Variants in PCDHGB1 observed in about 807,000 individuals in gnomAD.
PCDHGB1 encodes protocadherin gamma-B1.
In PCDHGB1, 34 loss-of-function variants were observed where a neutral mutation model predicts 56.6. The ratio of observed to expected loss-of-function variants is 0.60; its 90% CI spans 0.46 to 0.80. PCDHGB1 has a LOEUF of 0.80. Ranked by LOEUF, PCDHGB1 falls within the 30% of genes least tolerant of loss-of-function variation. The pLI is 0.00. For synonymous variants in PCDHGB1, 561 were observed against 505.9 expected (o/e 1.11, Z -1.46); for missense variants, 1,278 against 1,204.6 (o/e 1.06, Z -0.90).
chr5:141,399,356 A>G, intron 1 of PCDHGB1: 1 of 1,614,010 alleles, frequency 6.2e-7, no homozygotes, highest in Non-Finnish European at 8.5e-7. Flanking sequence ...GACCGAGAGC[A>G]AACCCCGGAG....
intron 1 of PCDHGB1, chr5:141,408,253 A>G (rs749487100): frequency 3.4e-4 from 550 of 1,599,220 alleles, no homozygotes; most frequent in Non-Finnish European, 4.4e-4. Flanking sequence ...GGCAGGTGCT[A>G]TTTCCTTTGC....
At chr5:141,413,342 TG>T in intron 1 of PCDHGB1, 1 of 1,613,974 alleles carries the variant, frequency 6.2e-7, no homozygotes, top group South Asian at 1.1e-5. Flanking sequence ...TCCAAGGACT[TG>T]GGTCTGGCGC....
intron 1 of PCDHGB1, chr5:141,414,713 C>T: frequency 6.2e-7 from 1 of 1,614,126 alleles, no homozygotes; most frequent in Admixed American, 1.7e-5. Context: ...TCCATCAACT[C>T]AGACACTGGC....
At chr5:141,421,587 G>T (rs758433133) in intron 1 of PCDHGB1, 6 of 1,613,900 alleles carry the variant, frequency 3.7e-6, no homozygotes, top group Non-Finnish European at 4.2e-6. Flanking sequence ...TTTACGGAGT[G>T]GAGGTGGAAA....
intron 1 of PCDHGB1, chr5:141,366,238 C>A (rs376279746): frequency 1.8e-4 from 297 of 1,613,786 alleles, no homozygotes; most frequent in Non-Finnish European, 2.3e-4. Flanking sequence ...TGGACAGAGA[C>A]GCGCTCAAGC....
Position 141,351,899 on chromosome 5 carries a change from T to C in PCDHGB1, c.1639T>C (p.Leu547=), listed in dbSNP as rs1415684229. 1.9e-6 allele frequency: 3 copies of C among 1,613,280 alleles called. No individual in the cohort carries two copies. Among genetic ancestry groups the C allele is most frequent in the Non-Finnish European group, 2.5e-6 (3 of 1,179,758 alleles). Residue 547 remains leucine, a synonymous_variant, in exon 1 of 4, where the codon TTG becomes CTG. Coordinates refer to ENST00000523390, the MANE Select transcript of PCDHGB1 (RefSeq NM_018922.3). ...CAGCGCCAACGTGAGCCTGCGCGTG[T>C]TGGTGGGCGACCTCAATGACAATGC... ...ALSANVSLRV[L]VGDLNDNAPR...
intron 1 of PCDHGB1, chr5:141,408,899 A>G (rs1379621758): frequency 1.2e-6 from 2 of 1,613,316 alleles, no homozygotes; most frequent in Non-Finnish European, 8.5e-7. Context: ...AATTTCTGTC[A>G]AGGATACCAA....
chr5:141,355,111 C>T, intron 1 of PCDHGB1: 1 of 1,508,846 alleles, frequency 6.6e-7, no homozygotes, highest in Non-Finnish European at 8.8e-7. Flanking sequence ...GCTGTGAATG[C>T]ACTTTATTTT....
At chr5:141,437,862 C>T (rs535370570) in intron 1 of PCDHGB1, among the ~76,000 whole-genome samples, 5 of 152,002 alleles carry the variant, frequency 3.3e-5, no homozygotes, top group African/African-American at 9.6e-5. Context: ...CTTAGCCTCC[C>T]GAGTAGCTGG....
rs779292483 is a variant in PCDHGB1 at position 141,491,102 on chromosome 5, T to C, written c.2410-3705T>C. The C allele has an allele frequency of 6.2e-7, 1 of 1,614,152 alleles. No individual in the cohort carries two copies. Among genetic ancestry groups the C allele is most frequent in the Non-Finnish European group, 8.5e-7 (1 of 1,180,006 alleles). ...TCCACAGCCCCAGGACTGTTCCTCG[T>C]GTCTACACACACTGGTGAGGTGCGC... On this transcript the variant is annotated intron_variant, in intron 1 of 3. Transcript: ENST00000523390. This position sits in a 1 kb window ranked among gnomAD's most constrained non-coding sequence, Gnocchi z 6.9.
chr5:141,451,009 T>C (rs1437016950), intron 1 of PCDHGB1, among the ~76,000 whole-genome samples: 1 of 151,566 alleles, frequency 6.6e-6, no homozygotes, highest in East Asian at 1.9e-4. Context: ...GTATTTTTTT[T>C]AGTAGAGACG....
intron 1 of PCDHGB1, among the ~76,000 whole-genome samples, chr5:141,443,577 G>A (rs567410923): frequency 1.3e-5 from 2 of 152,284 alleles, no homozygotes; most frequent in South Asian, 4.1e-4. Context: ...ATGGACTTGA[G>A]CTAAAACAGA....
At chr5:141,357,136 G>C (rs779756612) in intron 1 of PCDHGB1, 1 of 1,613,540 alleles carries the variant, frequency 6.2e-7, no homozygotes, top group South Asian at 1.1e-5. Flanking sequence ...TGTAGTGGTC[G>C]TCCAGGACCA....
At chr5:141,382,737 A>G (rs1186872738) in intron 1 of PCDHGB1, 2 of 571,884 alleles carry the variant, frequency 3.5e-6, no homozygotes, top group African/African-American at 3.7e-5. Context: ...GCACAGAGAA[A>G]CGACAGATTG....
chr5:141,350,855 A>G lies in PCDHGB1; in HGVS notation c.595A>G (p.Arg199Gly). Reference protein sequence around the residue: ...PVLLLEKPLDREHQSSHRLIL... With the variant: ...PVLLLEKPLDGEHQSSHRLIL... ...ATTACTGCTGGAAAAACCTCTAGAC[A>G]GGGAACATCAGAGCTCTCATCGCTT... The change falls in exon 1 of 4, where the codon AGG (arginine) becomes GGG (glycine). Residue 199 changes from arginine to glycine, a missense_variant. Arg to Gly is a moderately radical substitution (Grantham distance 125). Coordinates refer to ENST00000523390, the MANE Select transcript of PCDHGB1 (RefSeq NM_018922.3). The G allele has an allele frequency of 3.1e-6, 5 of 1,614,090 alleles. No homozygotes were observed. The highest frequency in any genetic ancestry group is 4.2e-6 in the Non-Finnish European group (5 of 1,179,900).
intron 1 of PCDHGB1, among the ~76,000 whole-genome samples, chr5:141,373,570 G>C (rs1011552232): frequency 1.3e-5 from 2 of 152,200 alleles, no homozygotes; most frequent in Non-Finnish European, 1.5e-5. Context: ...AATGGGACTA[G>C]CATAAATGGT....
intron 1 of PCDHGB1, chr5:141,421,232 C>T (rs748347420): frequency 2.5e-6 from 4 of 1,590,252 alleles, no homozygotes; most frequent in African/African-American, 2.7e-5. Flanking sequence ...CCTGCCATGG[C>T]GAATCGGCTA....
chr5:141,420,492 TC>T (rs1172385190), intron 1 of PCDHGB1: 8 of 508,012 alleles, frequency 1.6e-5, no homozygotes, highest in Non-Finnish European at 1.8e-5. Flanking sequence ...ATGGGTAATC[TC>T]CGGTGACATT....
intron 1 of PCDHGB1, chr5:141,395,547 TGTGTGTGTGTGTGTGTGTGTGTGTG>T: frequency 5.8e-6 from 1 of 173,894 alleles, no homozygotes; most frequent in Admixed American, 6.5e-5. Context: ...ATTGTTTGTG[TGTGTGTGTGTGTGTGTGTGTGTGTG>T]TGTGTGTGTG....
Sources: gnomAD v4.1 joint callset for allele counts (sites outside exome capture counted in the v4.1 genomes callset) on GRCh38, gnomAD v4.1.1 for gene constraint, Gnocchi (gnomAD v3.1) non-coding constraint, MANE v1.5 for transcripts, NCBI Gene and HGNC (gene_info 2026-07-23, HGNC 2026-07-21) for gene names.